GRIA4: variants seen among roughly 807,000 people sequenced by gnomAD.
GRIA4 encodes glutamate ionotropic receptor AMPA type subunit 4, also known as glutamate receptor 4.
Under a neutral mutation model 104.0 loss-of-function variants are expected in GRIA4, and 34 were observed. The ratio of observed to expected loss-of-function variants is 0.33; its 90% CI spans 0.25 to 0.44. The LOEUF is 0.44. Among genes scored for constraint, GRIA4 ranks in the 20% least tolerant of loss-of-function variants. GRIA4 has a pLI of 1.00. For synonymous variants in GRIA4, 386 were observed against 381.9 expected (o/e 1.01, Z -0.13); for missense variants, 750 against 1,096.5 (o/e 0.68, Z 4.46).
intron 16 of GRIA4, among the ~76,000 whole-genome samples, chr11:105,977,669 C>T (rs1859054870): frequency 1.3e-5 from 2 of 151,974 alleles, no homozygotes; most frequent in African/African-American, 4.8e-5. Flanking sequence ...GATACCAAGT[C>T]TTGTCTTATG....
intron 11 of GRIA4, among the ~76,000 whole-genome samples, chr11:105,920,434 T>C (rs1429497211): frequency 6.6e-6 from 1 of 152,098 alleles, no homozygotes; most frequent in Non-Finnish European, 1.5e-5. Context: ...TCTTACATAT[T>C]TCATCTCAAA....
Position 105,903,960 on chromosome 11 carries a change from C to A in GRIA4, c.1032C>A (p.Asp344Glu). 6.2e-7 allele frequency: 1 copy of A among 1,610,578 alleles called. No homozygotes were observed. Among genetic ancestry groups the A allele is most frequent in the Non-Finnish European group, 8.5e-7 (1 of 1,177,896 alleles). Residue 344 changes from aspartate to glutamate, a missense_variant, in exon 8 of 17, where the codon GAC (aspartate) becomes GAA (glutamate). Around this residue, in one of 3 missense-constraint regions of GRIA4, gnomAD observed 410 missense variants for 502.7 expected, o/e 0.82. Transcript: ENST00000282499. Reference sequence around the variant, plus strand: ...CTGCTCCATGGGGCCAGGGAATTGACATGGAGAGGACACTCAAACAGGTAA... The same window carrying A: ...CTGCTCCATGGGGCCAGGGAATTGAAATGGAGAGGACACTCAAACAGGTAA... ...NPAAPWGQGI[D>E]MERTLKQVRI...
chr11:105,682,838 A>G (rs1051552113), intron 3 of GRIA4, among the ~76,000 whole-genome samples: 3 of 152,202 alleles, frequency 2.0e-5, no homozygotes, highest in East Asian at 3.9e-4. Flanking sequence ...CCACAGATGC[A>G]GTTGTCTTTA....
intron 3 of GRIA4, among the ~76,000 whole-genome samples, chr11:105,691,858 C>A (rs1388346665): frequency 7.2e-6 from 1 of 139,526 alleles, no homozygotes; most frequent in Non-Finnish European, 1.5e-5. Context: ...TTTCTTGAAC[C>A]AGGGAGGCGG....
intron 3 of GRIA4, among the ~76,000 whole-genome samples, chr11:105,675,365 C>T (rs897347142): frequency 1.1e-4 from 16 of 151,918 alleles, no homozygotes; most frequent in African/African-American, 3.9e-4. Flanking sequence ...TTACTGGAGA[C>T]ATCTGTTTAT....
chr11:105,950,535 G>C (rs1948431409), intron 14 of GRIA4, among the ~76,000 whole-genome samples: 2 of 136,476 alleles, frequency 1.5e-5, no homozygotes, highest in Non-Finnish European at 3.1e-5. Flanking sequence ...AAATCAATAA[G>C]AACTTTGTAT....
chr11:105,742,733 A>G (rs1294234656), intron 3 of GRIA4, among the ~76,000 whole-genome samples: 1 of 152,050 alleles, frequency 6.6e-6, no homozygotes, highest in Non-Finnish European at 1.5e-5. Flanking sequence ...CACAGTTGTT[A>G]CTGGAATGGT....
chr11:105,783,785 T>A (rs1941837273), intron 4 of GRIA4, among the ~76,000 whole-genome samples: 1 of 146,910 alleles, frequency 6.8e-6, no homozygotes, highest in African/African-American at 2.5e-5. Flanking sequence ...TGTGTGTGTG[T>A]GTATGTGTAT....
chr11:105,972,903 T>G (rs1858772411), intron 15 of GRIA4, among the ~76,000 whole-genome samples: 3 of 152,172 alleles, frequency 2.0e-5, no homozygotes, highest in Non-Finnish European at 4.4e-5. Context: ...TTACTGGATA[T>G]TCTAAGATAT....
intron 4 of GRIA4, among the ~76,000 whole-genome samples, chr11:105,792,196 A>T (rs1942243764): frequency 6.6e-6 from 1 of 152,172 alleles, no homozygotes; most frequent in Non-Finnish European, 1.5e-5. Context: ...AAAAGTAAAC[A>T]CCAGTTTGTG....
At chr11:105,960,834 C>T (rs1948725930) in intron 14 of GRIA4, among the ~76,000 whole-genome samples, 1 of 152,182 alleles carries the variant, frequency 6.6e-6, no homozygotes, top group African/African-American at 2.4e-5. Context: ...GGATGGGTAG[C>T]GTACTCACTC....
At position 105,926,758 on chromosome 11, in the gene GRIA4, T is replaced by C. The variant is rs1381361043; in HGVS notation, c.1865T>C (p.Ile622Thr). Residue 622 changes from isoleucine to threonine, a missense_variant, in exon 13 of 17, where the codon ATT becomes ACT. Around this residue, in one of 3 missense-constraint regions of GRIA4, gnomAD observed 272 missense variants for 524.5 expected, o/e 0.52. Transcript: ENST00000282499. ...ATGTTTAGATCCCTCTCAGGTCGAA[T>C]TGTTGGAGGTGTTTGGTGGTTCTTT... ...DISPRSLSGR[I>T]VGGVWWFFTL... 5.6e-6 allele frequency: 9 copies of C among 1,605,056 alleles called. No individual in the cohort carries two copies. The highest frequency in any genetic ancestry group is 6.8e-6 in the Non-Finnish European group (8 of 1,172,072).
chr11:105,791,154 T>C (rs1213311663), intron 4 of GRIA4, among the ~76,000 whole-genome samples: 1 of 152,054 alleles, frequency 6.6e-6, no homozygotes, highest in East Asian at 1.9e-4. Flanking sequence ...ATTGGCTCAT[T>C]TAATACAAGA....
intron 3 of GRIA4, among the ~76,000 whole-genome samples, chr11:105,678,521 G>A (rs1284638771): frequency 6.6e-6 from 1 of 151,892 alleles, no homozygotes; most frequent in Non-Finnish European, 1.5e-5. Flanking sequence ...TACATTTTTT[G>A]ACACTTCATG....
At chr11:105,742,543 T>TACAC (rs368312952) in intron 3 of GRIA4, among the ~76,000 whole-genome samples, 2 of 150,948 alleles carry the variant, frequency 1.3e-5, no homozygotes, top group African/African-American at 2.4e-5. Flanking sequence ...AACATATTTA[T>TACAC]ACACACACAC....
At chr11:105,974,255 T>C (rs1858854963) in intron 15 of GRIA4, 55 bp from the exon 16 acceptor site, 1 of 1,560,126 alleles carries the variant, frequency 6.4e-7, no homozygotes, top group African/African-American at 1.4e-5. Context: ...TGTGTTCTTT[T>C]ACCTTTTGGA....
intron 3 of GRIA4, among the ~76,000 whole-genome samples, chr11:105,689,933 C>T (rs1489439026): frequency 2.6e-5 from 4 of 152,184 alleles, no homozygotes; most frequent in African/African-American, 9.6e-5. Context: ...CTTAGTCCAT[C>T]TCCATTGAAA....
Position 105,612,445 on chromosome 11 carries a change from CAT to C in GRIA4, c.247+13_247+14del. 6.2e-7 allele frequency: 1 copy of C among 1,610,664 alleles called. No homozygotes were observed. The highest frequency in any genetic ancestry group is 8.5e-7 in the Non-Finnish European group (1 of 1,177,744). On this transcript the variant is annotated intron_variant, in intron 3 of 16. Transcript: ENST00000282499. ...CTGTAACAAACGCCTGTAAGTAAAA[CAT>C]AAGCTATGAAAAATTAGAAGAGAAC...
chr11:105,844,123 A>C (rs1944491358), intron 4 of GRIA4, among the ~76,000 whole-genome samples: 1 of 152,164 alleles, frequency 6.6e-6, no homozygotes, highest in African/African-American at 2.4e-5. Context: ...CTTGGTAGCT[A>C]TGATAAATTG....
Sources: allele counts gnomAD v4.1 joint callset (sites outside exome capture counted in the v4.1 genomes callset), GRCh38; gene constraint gnomAD v4.1.1; regional missense constraint gnomAD v4.1.1; transcripts MANE v1.5; gene names NCBI Gene and HGNC (gene_info 2026-07-23, HGNC 2026-07-21).